Variants in NUP160 observed in about 807,000 individuals in gnomAD.
The protein encoded by NUP160 is nucleoporin 160, also known as nuclear pore complex protein Nup160.
A neutral mutation model predicts 196.9 loss-of-function variants in NUP160; 94 were observed. The observed-to-expected ratio is 0.48, with a 90% confidence interval of 0.40 to 0.57. NUP160 has a LOEUF of 0.57. Ranked by LOEUF, NUP160 falls within the 20% of genes least tolerant of loss-of-function variation. The pLI, the probability that NUP160 is intolerant of heterozygous loss-of-function variation, is 0.00. For synonymous variants in NUP160, 605 were observed against 619.7 expected (o/e 0.98, Z 0.35); for missense variants, 1,638 against 1,748.3 (o/e 0.94, Z 1.13).
intron 6 of NUP160, 148 bp downstream of exon 6, chr11:47,836,739 G>A: frequency 1.9e-6 from 1 of 521,356 alleles, no homozygotes; most frequent in Non-Finnish European, 3.4e-6. Flanking sequence ...GCAAAATAAA[G>A]CTAAATGAAA....
intron 18 of NUP160, among the ~76,000 whole-genome samples, chr11:47,808,066 T>G (rs184096868): frequency 2.5e-3 from 387 of 152,296 alleles, no homozygotes; most frequent in Non-Finnish European, 4.4e-3. Context: ...GCAAATCACC[T>G]GAGGTCAGGA....
Position 47,838,708 on chromosome 11 carries a change from A to G in NUP160, c.749-1085T>C, listed in dbSNP as rs144666788. 5.0e-4 allele frequency among the ~76,000 whole-genome samples: 76 copies of G among 151,288 alleles called. 1 individual carries two copies. Among genetic ancestry groups the G allele is most frequent in the African/African-American group, 1.8e-3 (75 of 41,170 alleles). The stretch of plus-strand genomic sequence containing the variant: ...CTGGGTGACAGTGAGACTCTGTCTC[A>G]AAAGAAAGAAAGAAAGGCCAGGTGC... On this transcript the variant is annotated intron_variant, in intron 4 of 35. Transcript: ENST00000378460.
At chr11:47,779,015 AAAAATCGGCCTTG>A in exon 36 of NUP160, 1 of 867,712 alleles carries the variant, frequency 1.2e-6, no homozygotes, top group Non-Finnish European at 2.0e-6. Flanking sequence ...TTACAGTTAC[AAAAATCGGCCTTG>A]AGTACAGGGT....
chr11:47,807,088 A>G, exon 19 of NUP160: 3 of 1,611,312 alleles, frequency 1.9e-6, no homozygotes, highest in Non-Finnish European at 2.5e-6. Flanking sequence ...TTTGCCATTA[A>G]AGCACCAGAG....
chr11:47,806,484 G>A, intron 19 of NUP160, 172 bp from the exon 20 acceptor site: 1 of 537,198 alleles, frequency 1.9e-6, no homozygotes, highest in South Asian at 2.8e-5. Flanking sequence ...TCTGTAAATT[G>A]TGAGGCACTA....
chr11:47,841,468 G>A, intron 2 of NUP160: 1 of 408,890 alleles, frequency 2.4e-6, no homozygotes, highest in Non-Finnish European at 4.8e-6. Context: ...TAACAAGGTA[G>A]TGAACCTGCA....
chr11:47,839,897 G>T (rs756601999), exon 4 of NUP160: 2 of 1,614,130 alleles, frequency 1.2e-6, no homozygotes, highest in Non-Finnish European at 1.7e-6. Flanking sequence ...GAAGCACATG[G>T]TAAGGCAAAC....
intron 29 of NUP160, among the ~76,000 whole-genome samples, chr11:47,789,369 GA>G (rs1028868286): frequency 2.6e-5 from 4 of 151,920 alleles, no homozygotes; most frequent in Non-Finnish European, 5.9e-5. Flanking sequence ...AAAGAAATAT[GA>G]CCAAACTGTG....
intron 17 of NUP160, among the ~76,000 whole-genome samples, chr11:47,811,167 A>AGAT (rs968109571): frequency 6.6e-6 from 1 of 152,180 alleles, no homozygotes; most frequent in African/African-American, 2.4e-5. Flanking sequence ...AGGACCACAA[A>AGAT]GATAAACCTG....
chr11:47,813,028 A>G, exon 15 of NUP160: 1 of 1,608,618 alleles, frequency 6.2e-7, no homozygotes, highest in Non-Finnish European at 8.5e-7. Flanking sequence ...GACATATGAC[A>G]TCCCGAGCGA....
chr11:47,815,999 C>T, exon 12 of NUP160: 1 of 1,613,714 alleles, frequency 6.2e-7, no homozygotes, highest in Non-Finnish European at 8.5e-7. Context: ...CAGGAAAGAT[C>T]CAAATTCCTC....
chr11:47,790,667 T>C (rs1490157380), intron 29 of NUP160, among the ~76,000 whole-genome samples: 1 of 152,108 alleles, frequency 6.6e-6, no homozygotes, highest in Non-Finnish European at 1.5e-5. Context: ...GGTAGGAGGA[T>C]TGCTTGAGTC....
At chr11:47,812,182 C>T (rs1223642953) in exon 17 of NUP160, 1 of 1,614,000 alleles carries the variant, frequency 6.2e-7, no homozygotes, top group East Asian at 2.2e-5. Flanking sequence ...TGTGTTACTA[C>T]CATAGAGCTG....
chr11:47,839,734 G>A lies in NUP160; in HGVS notation c.748+109C>T. 3.3e-6 allele frequency: 3 copies of A among 903,554 alleles called. No homozygotes were observed. The South Asian group carries it at 4.3e-5, about 13-fold the overall frequency. The allele number at this position is 903,554 out of a possible 1,614,324, so 56.0% of individuals were successfully genotyped here. A position where few individuals can be genotyped will look rare whatever the true frequency, so the allele number is the denominator to read the frequency against. On this transcript the variant is annotated intron_variant, in intron 4 of 35. Coordinates refer to ENST00000378460, the Ensembl canonical transcript of NUP160. ...TTAGGCAAGCAATAATGAATGACCA[G>A]TTCCGGGGCAGTAGAGATGCAATCC...
At chr11:47,835,326 T>C (rs1852152222) in intron 7 of NUP160, among the ~76,000 whole-genome samples, 1 of 152,140 alleles carries the variant, frequency 6.6e-6, no homozygotes, top group Non-Finnish European at 1.5e-5. Flanking sequence ...GCTAAGCAAA[T>C]TTATTTAGAA....
At position 47,815,589 on chromosome 11, in the gene NUP160, C is replaced by A. The variant is rs767053045; in HGVS notation, c.1576G>T (p.Glu526Ter). 6.2e-7 allele frequency: 1 copy of A among 1,612,900 alleles called. No homozygotes were observed. Among genetic ancestry groups the A allele is most frequent in the Non-Finnish European group, 8.5e-7 (1 of 1,179,612 alleles). The stretch of plus-strand genomic sequence containing the variant: ...CAGGCATAGAACTTGCACCAGAATT[C>A]TTGTTGTAAATTTCGAAACTCCTCC... Residue 526 changes from glutamate to a stop codon, truncating the protein, a stop_gained, in exon 13 of 36, where the codon GAA becomes TAA. Transcript: ENST00000378460. LOFTEE classifies it high-confidence loss of function.
At position 47,779,055 on chromosome 11, in the gene NUP160, T is replaced by G. The variant is rs145206134; in HGVS notation, c.*50A>C. 36 of 1,355,020 alleles carry G rather than the reference T, an allele frequency of 2.7e-5. No homozygotes were observed. In the African/African-American group the frequency reaches 4.7e-4, roughly 18 times the overall value. The allele number at this position is 1,355,020 out of a possible 1,614,324, so 83.9% of individuals were successfully genotyped here. On this transcript the variant is annotated 3_prime_UTR_variant, in exon 36 of 36. Coordinates refer to ENST00000378460, the Ensembl canonical transcript of NUP160. ...GTACAGGGTTCCTGTAGGGTAGTCTTAAGTCCTAAGAGGCACCAAGCGGTT... is the reference window on the plus strand; with the variant it reads ...GTACAGGGTTCCTGTAGGGTAGTCTGAAGTCCTAAGAGGCACCAAGCGGTT...
chr11:47,784,846 T>C, intron 33 of NUP160, 76 bp downstream of exon 33: 1 of 1,158,418 alleles, frequency 8.6e-7, no homozygotes, highest in South Asian at 2.0e-5. Flanking sequence ...TCAGTCCATA[T>C]TTTTAATCAT....
Position 47,840,394 on chromosome 11 carries a change from G to A in NUP160, c.509C>T (p.Ser170Phe). 6.2e-7 allele frequency: 1 copy of A among 1,613,688 alleles called. No individual in the cohort carries two copies. Among genetic ancestry groups the A allele is most frequent in the East Asian group, 2.2e-5 (1 of 44,876 alleles). ...CCAACTTACACTCCTATACATCCGG[G>A]AGGGGTGTGGTAAAAGTAACCTGTG... The change falls in exon 3 of 36, where the codon TCC becomes TTC. Residue 170 changes from serine to phenylalanine, a missense_variant. Physicochemically the swap from Ser to Phe is radical, Grantham distance 155 (BLOSUM62 -2). Transcript: ENST00000378460.
Sources: allele counts gnomAD v4.1 joint callset (sites outside exome capture counted in the v4.1 genomes callset), GRCh38; gene constraint gnomAD v4.1.1; transcripts MANE v1.5; gene names NCBI Gene and HGNC (gene_info 2026-07-23, HGNC 2026-07-21).